SLIT3: variants seen among roughly 807,000 people sequenced by gnomAD.
The protein encoded by SLIT3 is slit guidance ligand 3.
SLIT3 carries 68 observed loss-of-function variants against 184.0 expected under a neutral mutation model. The ratio of observed to expected loss-of-function variants is 0.37; its 90% CI spans 0.30 to 0.45. SLIT3 has a LOEUF of 0.45. Ranked by LOEUF, SLIT3 falls within the 20% of genes least tolerant of loss-of-function variation. SLIT3 has a pLI of 1.00. For missense variants in SLIT3, 1,707 were observed against 2,026.0 expected (o/e 0.84, Z 3.02); for synonymous variants, 831 against 828.6 (o/e 1.00, Z -0.05).
At chr5:168,858,644 G>C (rs1463425370) in intron 5 of SLIT3, among the ~76,000 whole-genome samples, 1 of 152,236 alleles carries the variant, frequency 6.6e-6, no homozygotes, top group African/African-American at 2.4e-5. Flanking sequence ...GCTGCTCCTG[G>C]CCCTCCTGGC....
At chr5:169,002,111 C>T (rs12332679) in intron 4 of SLIT3, among the ~76,000 whole-genome samples, 14 of 151,454 alleles carry the variant, frequency 9.2e-5, no homozygotes, top group East Asian at 3.9e-4. Flanking sequence ...GTCAGGAGTT[C>T]GGGAACAGCC....
At chr5:168,794,524 G>C (rs561292823) in intron 10 of SLIT3, among the ~76,000 whole-genome samples, 4 of 152,286 alleles carry the variant, frequency 2.6e-5, no homozygotes, top group Non-Finnish European at 5.9e-5. Context: ...CGTCCAGGCT[G>C]CTGTGGTGAG....
intron 5 of SLIT3, among the ~76,000 whole-genome samples, chr5:168,875,317 G>T (rs1440163482): frequency 6.6e-6 from 1 of 151,852 alleles, no homozygotes; most frequent in East Asian, 1.9e-4. Flanking sequence ...AGAAGAAAGA[G>T]GAGGAAGGAG....
intron 3 of SLIT3, among the ~76,000 whole-genome samples, chr5:169,200,594 C>T (rs1319248782): frequency 1.3e-5 from 2 of 152,124 alleles, no homozygotes; most frequent in Non-Finnish European, 2.9e-5. Flanking sequence ...CTTCACAGGC[C>T]TCAAACATCA....
intron 4 of SLIT3, among the ~76,000 whole-genome samples, chr5:169,021,548 A>C (rs563978796): frequency 6.6e-6 from 1 of 151,968 alleles, no homozygotes; most frequent in Non-Finnish European, 1.5e-5. Context: ...ACGGGGTTTC[A>C]CCATGTTGGC....
At chr5:169,074,821 C>T (rs1758677996) in intron 4 of SLIT3, among the ~76,000 whole-genome samples, 1 of 152,148 alleles carries the variant, frequency 6.6e-6, no homozygotes. Context: ...ACAGCTGAAG[C>T]AAGACCTGAG....
intron 4 of SLIT3, among the ~76,000 whole-genome samples, chr5:169,079,188 A>G (rs1758865991): frequency 6.6e-6 from 1 of 152,134 alleles, no homozygotes. Flanking sequence ...TATCTGGGAG[A>G]AAAAATGCTT....
At chr5:169,280,710 T>C (rs1766966967) in intron 1 of SLIT3, among the ~76,000 whole-genome samples, 1 of 152,334 alleles carries the variant, frequency 6.6e-6, no homozygotes, top group South Asian at 2.1e-4. Flanking sequence ...AGGGAGACTC[T>C]ACCAGTGGCT....
At chr5:169,035,271 T>C (rs996845300) in intron 4 of SLIT3, among the ~76,000 whole-genome samples, 1 of 152,156 alleles carries the variant, frequency 6.6e-6, no homozygotes, top group African/African-American at 2.4e-5. Context: ...ATATTAACAG[T>C]AGTAGTAAGA....
intron 4 of SLIT3, among the ~76,000 whole-genome samples, chr5:168,967,351 T>C (rs1218577727): frequency 6.6e-6 from 1 of 151,628 alleles, no homozygotes; most frequent in African/African-American, 2.4e-5. Context: ...CTCTGTCTCA[T>C]GTAACTTCTC....
chr5:168,715,128 G>A (rs1470038580), intron 23 of SLIT3, among the ~76,000 whole-genome samples: 4 of 152,208 alleles, frequency 2.6e-5, no homozygotes, highest in Non-Finnish European at 5.9e-5. Context: ...CAAGGCTCTG[G>A]AGTCAGACTG....
At chr5:169,209,484 C>T (rs1179425455) in intron 3 of SLIT3, among the ~76,000 whole-genome samples, 1 of 152,172 alleles carries the variant, frequency 6.6e-6, no homozygotes, top group African/African-American at 2.4e-5. Context: ...ACTATAAAGA[C>T]ACATGCACAT....
intron 20 of SLIT3, among the ~76,000 whole-genome samples, chr5:168,741,465 C>A (rs1474978360): frequency 1.0e-5 from 1 of 96,590 alleles, no homozygotes; most frequent in African/African-American, 4.4e-5. Flanking sequence ...GGCGACAGAG[C>A]AAGACTCGGT....
chr5:169,074,500 A>G (rs999262140), intron 4 of SLIT3, among the ~76,000 whole-genome samples: 1 of 152,188 alleles, frequency 6.6e-6, no homozygotes, highest in East Asian at 1.9e-4. Flanking sequence ...TTTTCAATTA[A>G]TAACTCATGT....
At chr5:169,164,432 C>T (rs1762571430) in intron 4 of SLIT3, among the ~76,000 whole-genome samples, 1 of 152,176 alleles carries the variant, frequency 6.6e-6, no homozygotes, top group Admixed American at 6.5e-5. Context: ...AGAAATTATC[C>T]TTGAGGCTTC....
rs1038796569 is a variant in SLIT3 at position 169,105,220 on chromosome 5, G to A, written c.413+88259C>T. Among the ~76,000 whole-genome samples the A allele has an allele frequency of 2.6e-5, 4 of 152,234 alleles. 1 individual carries two copies. In the South Asian group the frequency reaches 8.3e-4, roughly 32 times the overall value. ...GCGTCACAAATACTGTTTAATGTGGGTGGGGGACGGCTTCCCTCTCCTTCC... is the reference window on the plus strand; with the variant it reads ...GCGTCACAAATACTGTTTAATGTGGATGGGGGACGGCTTCCCTCTCCTTCC... On this transcript the variant is annotated intron_variant, in intron 4 of 35. Transcript: ENST00000519560.
intron 18 of SLIT3, among the ~76,000 whole-genome samples, chr5:168,751,410 C>G (rs1372162038): frequency 1.3e-5 from 2 of 152,162 alleles, no homozygotes; most frequent in Non-Finnish European, 2.9e-5. Context: ...GTGTTGAGCA[C>G]TTTCTACACC....
chr5:168,973,956 T>A (rs1277860734), intron 4 of SLIT3, among the ~76,000 whole-genome samples: 1 of 152,228 alleles, frequency 6.6e-6, no homozygotes, highest in African/African-American at 2.4e-5. Context: ...TCCTTGCTAA[T>A]GGAGCTCTCA....
In SLIT3 at chr5:168,741,445, C is replaced by T. The variant is rs61408346; in HGVS notation, c.2270+6857G>A. ...GAGATCACACCACTGCATTCCAGCA[C>T]TCCAGCCTGGGCGACAGAGCAAGAC... On this transcript the variant is annotated intron_variant, in intron 20 of 35. Transcript: ENST00000519560. Among the ~76,000 whole-genome samples the T allele has an allele frequency of 1.0e-3, 134 of 131,030 alleles. No individual in the cohort carries two copies. In the East Asian group the frequency reaches 0.022, roughly 21 times the overall value. The allele number at this position is 131,030 out of a possible 152,430, so 86.0% of individuals were successfully genotyped here.
Sources: gnomAD v4.1 joint callset for allele counts (sites outside exome capture counted in the v4.1 genomes callset) on GRCh38, gnomAD v4.1.1 for gene constraint, MANE v1.5 for transcripts, NCBI Gene and HGNC (gene_info 2026-07-23, HGNC 2026-07-21) for gene names.